Variants in ADAMTS20 observed in about 807,000 individuals in gnomAD.
ADAMTS20 encodes the protein ADAM metallopeptidase with thrombospondin type 1 motif 20.
In ADAMTS20, 225 loss-of-function variants were observed where a neutral mutation model predicts 260.1. The ratio of observed to expected loss-of-function variants is 0.87; its 90% CI spans 0.78 to 0.97. ADAMTS20 has a LOEUF of 0.97. Ranked by LOEUF, ADAMTS20 falls within the 50% of genes least tolerant of loss-of-function variation. The pLI is 0.00. For missense variants in ADAMTS20, 2,400 were observed against 2,337.7 expected (o/e 1.03, Z -0.55); for synonymous variants, 802 against 769.5 (o/e 1.04, Z -0.70).
At position 43,548,552 on chromosome 12, in the gene ADAMTS20, T is replaced by C. The variant is rs139948590; in HGVS notation, c.453+2357A>G. On this transcript the variant is annotated intron_variant, in intron 2 of 38. Transcript: ENST00000389420. ...AGGTTCTATTATTTGATGAAACTAT[T>C]AATCCAAAGAAATTTAATCGTAGAG... 6.8e-3 allele frequency among the ~76,000 whole-genome samples: 1,028 copies of C among 152,296 alleles called. 11 individuals are homozygous for C. The highest frequency in any genetic ancestry group is 0.024 in the African/African-American group (989 of 41,580).
At chr12:43,502,859 T>C (rs1274417869) in intron 3 of ADAMTS20, among the ~76,000 whole-genome samples, 1 of 152,152 alleles carries the variant, frequency 6.6e-6, no homozygotes, top group Admixed American at 6.5e-5. Flanking sequence ...AAACTTTCTT[T>C]ATACTACATG....
At chr12:43,421,056 G>T (rs536383649) in intron 28 of ADAMTS20, among the ~76,000 whole-genome samples, 1 of 151,092 alleles carries the variant, frequency 6.6e-6, no homozygotes, top group African/African-American at 2.4e-5. Context: ...TGATCCAGCC[G>T]CCTCAGCCTC....
chr12:43,410,187 G>C (rs1941005874), intron 28 of ADAMTS20, among the ~76,000 whole-genome samples: 1 of 152,046 alleles, frequency 6.6e-6, no homozygotes. Flanking sequence ...AAACATATGT[G>C]ATGTAAGAAA....
At chr12:43,377,215 A>G in intron 32 of ADAMTS20, 150 bp downstream of exon 32, 1 of 578,104 alleles carries the variant, frequency 1.7e-6, no homozygotes, top group East Asian at 2.9e-5. Flanking sequence ...GAGATAAAAT[A>G]TTTATATAAA....
At chr12:43,435,362 C>T (rs550670162) in intron 18 of ADAMTS20, among the ~76,000 whole-genome samples, 10 of 152,038 alleles carry the variant, frequency 6.6e-5, no homozygotes, top group South Asian at 2.1e-4. Flanking sequence ...AAGTCTAGGC[C>T]GGGCGTGTTG....
intron 14 of ADAMTS20, among the ~76,000 whole-genome samples, chr12:43,447,649 G>C (rs1239297302): frequency 6.6e-6 from 1 of 151,442 alleles, no homozygotes; most frequent in South Asian, 2.1e-4. Context: ...AGAACAATCA[G>C]GAAAAAGAAA....
At chr12:43,520,364 C>T (rs184092352) in intron 3 of ADAMTS20, among the ~76,000 whole-genome samples, 547 of 152,026 alleles carry the variant, frequency 3.6e-3, no homozygotes, top group Non-Finnish European at 3.7e-3. Context: ...AAAACATAGT[C>T]TAAAATGGTG....
At chr12:43,405,229 C>CCAAAAAAAAAAAAAAAAAA (rs1410899520) in intron 28 of ADAMTS20, among the ~76,000 whole-genome samples, 5 of 52,782 alleles carry the variant, frequency 9.5e-5, no homozygotes, top group Admixed American at 2.9e-4. Context: ...CTCATCTCTA[C>CCAAAAAAAAAAAAAAAAAA]AAAAAAAAAA....
intron 7 of ADAMTS20, among the ~76,000 whole-genome samples, chr12:43,476,974 A>G (rs949451835): frequency 7.2e-6 from 1 of 138,118 alleles, no homozygotes; most frequent in African/African-American, 2.8e-5. Flanking sequence ...GTGCACATGT[A>G]CCCTAAAACT....
intron 2 of ADAMTS20, among the ~76,000 whole-genome samples, chr12:43,536,965 T>A (rs1251911738): frequency 6.6e-6 from 1 of 152,246 alleles, no homozygotes; most frequent in Non-Finnish European, 1.5e-5. Context: ...TGAATGAGAC[T>A]TCATTTCCAT....
intron 28 of ADAMTS20, among the ~76,000 whole-genome samples, chr12:43,405,642 ATTG>A (rs1226874758): frequency 3.3e-5 from 5 of 151,992 alleles, no homozygotes; most frequent in Non-Finnish European, 5.9e-5. Flanking sequence ...TTAGTCCTCT[ATTG>A]TTGTTATTAA....
At chr12:43,374,745 ACT>A (rs57186467) in intron 36 of ADAMTS20, among the ~76,000 whole-genome samples, 33,465 of 152,094 alleles carry the variant, frequency 0.22, 4,342 homozygotes, top group African/African-American at 0.35. Flanking sequence ...ATTACTTTAA[ACT>A]CTGCAAAAAG....
At chr12:43,364,176 T>C (rs1939933836) in intron 37 of ADAMTS20, among the ~76,000 whole-genome samples, 1 of 151,886 alleles carries the variant, frequency 6.6e-6, no homozygotes, top group Non-Finnish European at 1.5e-5. Flanking sequence ...ACTGAAACAG[T>C]TCAGCCAGGT....
At chr12:43,517,221 A>C (rs142546578) in intron 3 of ADAMTS20, among the ~76,000 whole-genome samples, 1 of 152,074 alleles carries the variant, frequency 6.6e-6, no homozygotes, top group Non-Finnish European at 1.5e-5. Context: ...ACGTAACAAA[A>C]CAAGAAAAAT....
At chr12:43,475,815 C>T (rs1049170539) in intron 7 of ADAMTS20, among the ~76,000 whole-genome samples, 2 of 148,740 alleles carry the variant, frequency 1.3e-5, no homozygotes, top group African/African-American at 2.5e-5. Context: ...AACTGGATCC[C>T]TTCCTTACAC....
At chr12:43,521,960 C>T (rs1409153264) in intron 3 of ADAMTS20, among the ~76,000 whole-genome samples, 1 of 151,992 alleles carries the variant, frequency 6.6e-6, no homozygotes, top group Non-Finnish European at 1.5e-5. Flanking sequence ...TACTCAAAGA[C>T]TATAAGAATA....
chr12:43,371,663 G>A (rs1940109714), intron 36 of ADAMTS20, among the ~76,000 whole-genome samples: 1 of 152,144 alleles, frequency 6.6e-6, no homozygotes, highest in Non-Finnish European at 1.5e-5. Context: ...GGAACAGTAA[G>A]TGCGAAGGCC....
chr12:43,353,246 A>G (rs1939672520), downstream of ADAMTS20, among the ~76,000 whole-genome samples: 1 of 151,984 alleles, frequency 6.6e-6, no homozygotes, highest in Admixed American at 6.6e-5. Context: ...GCTTTGAGAA[A>G]CCTCTGATAT....
intron 28 of ADAMTS20, among the ~76,000 whole-genome samples, chr12:43,415,163 TTA>T (rs2137278264): frequency 6.6e-6 from 1 of 152,258 alleles, no homozygotes; most frequent in Admixed American, 6.5e-5. Context: ...AATGAATCTA[TTA>T]TGTTTGATGT....
Sources: allele counts gnomAD v4.1 joint callset (sites outside exome capture counted in the v4.1 genomes callset), GRCh38; gene constraint gnomAD v4.1.1; transcripts MANE v1.5; gene names NCBI Gene and HGNC (gene_info 2026-07-23, HGNC 2026-07-21).